Variants in ELAVL4 observed in about 807,000 individuals in gnomAD.
The protein encoded by ELAVL4 is ELAV like RNA binding protein 4.
Under a neutral mutation model 35.6 loss-of-function variants are expected in ELAVL4, and 1 was observed. That is an observed-to-expected ratio of 0.03 (90% CI 0.01 to 0.13). ELAVL4 has a LOEUF of 0.13. ELAVL4 is among the 10% of genes least tolerant of loss of function. ELAVL4 has a pLI of 1.00. For missense variants in ELAVL4, 267 were observed against 464.9 expected (o/e 0.57, Z 3.91); for synonymous variants, 156 against 171.0 (o/e 0.91, Z 0.69).
intron 2 of ELAVL4, among the ~76,000 whole-genome samples, chr1:50,152,974 A>G (rs1675056701): frequency 6.6e-6 from 1 of 152,320 alleles, no homozygotes; most frequent in East Asian, 1.9e-4. Flanking sequence ...GAAATTCTGT[A>G]TCACAGTCTG....
chr1:50,116,723 C>G (rs896969071), intron 1 of ELAVL4, among the ~76,000 whole-genome samples: 4 of 152,024 alleles, frequency 2.6e-5, no homozygotes, highest in African/African-American at 9.7e-5. Flanking sequence ...ACTAATGAAG[C>G]TTTCCTTAGG....
chr1:50,116,029 C>T (rs1040123813), intron 1 of ELAVL4, among the ~76,000 whole-genome samples: 3 of 152,062 alleles, frequency 2.0e-5, no homozygotes, highest in Admixed American at 6.6e-5. Flanking sequence ...GTCTTTCCTT[C>T]TGTATTTATA....
At chr1:50,166,933 G>A (rs537326709) in intron 2 of ELAVL4, among the ~76,000 whole-genome samples, 5 of 152,226 alleles carry the variant, frequency 3.3e-5, no homozygotes, top group African/African-American at 7.2e-5. Flanking sequence ...TGTTGGCAGC[G>A]TTCCTCCCTC....
chr1:50,158,481 A>G (rs1676148927), intron 2 of ELAVL4, among the ~76,000 whole-genome samples: 1 of 152,156 alleles, frequency 6.6e-6, no homozygotes, highest in Non-Finnish European at 1.5e-5. Context: ...CTATCCATAC[A>G]GCCACACACA....
At chr1:50,142,186 T>C (rs577321363) in intron 1 of ELAVL4, among the ~76,000 whole-genome samples, 7 of 152,312 alleles carry the variant, frequency 4.6e-5, no homozygotes, top group Admixed American at 1.3e-4. Context: ...TAATAAGTGG[T>C]AAAACTAAGT....
chr1:50,076,095 C>T (rs1413187311), intron 1 of ELAVL4, among the ~76,000 whole-genome samples: 1 of 152,172 alleles, frequency 6.6e-6, no homozygotes, highest in East Asian at 1.9e-4. Context: ...TCCCAAAGTG[C>T]TGGGATTACA....
intron 1 of ELAVL4, among the ~76,000 whole-genome samples, chr1:50,050,679 T>C (rs774463682): frequency 6.6e-6 from 1 of 152,190 alleles, no homozygotes. Context: ...GCCAAGATTA[T>C]ATTTAATTTG....
intron 3 of ELAVL4, among the ~76,000 whole-genome samples, chr1:50,189,146 T>A (rs1451394437): frequency 2.0e-5 from 3 of 152,216 alleles, no homozygotes; most frequent in Non-Finnish European, 4.4e-5. Context: ...TCCTCCTCAT[T>A]GCACCCAACA....
intron 2 of ELAVL4, among the ~76,000 whole-genome samples, chr1:50,149,535 C>G (rs1024660906): frequency 3.4e-5 from 5 of 148,278 alleles, no homozygotes; most frequent in Non-Finnish European, 7.4e-5. Flanking sequence ...TGTACCCATG[C>G]ATTGTCCTTT....
At chr1:50,167,375 C>T (rs1484525299) in intron 2 of ELAVL4, among the ~76,000 whole-genome samples, 1 of 152,138 alleles carries the variant, frequency 6.6e-6, no homozygotes, top group East Asian at 1.9e-4. Flanking sequence ...TAAGGCATTC[C>T]GTGAATCCAT....
intron 4 of ELAVL4, among the ~76,000 whole-genome samples, chr1:50,194,402 C>T (rs1206520850): frequency 1.3e-5 from 2 of 152,100 alleles, no homozygotes; most frequent in Non-Finnish European, 2.9e-5. Context: ...GGATCTGAAC[C>T]GAGGATCTGG....
At chr1:50,193,680 G>A (rs757211123) in intron 3 of ELAVL4, 85 bp from the exon 4 acceptor site, 1,247 of 1,465,472 alleles carry the variant, frequency 8.5e-4, no homozygotes, top group Non-Finnish European at 1.1e-3. Context: ...CGGTAGATGA[G>A]GGGCTGTCAT....
At chr1:50,054,724 CTGAG>C (rs892157923) in intron 1 of ELAVL4, among the ~76,000 whole-genome samples, 1 of 152,166 alleles carries the variant, frequency 6.6e-6, no homozygotes, top group African/African-American at 2.4e-5. Flanking sequence ...AAGTTTTGGG[CTGAG>C]TATCTTTCAT....
chr1:50,072,463 T>G (rs1477479626), intron 1 of ELAVL4, among the ~76,000 whole-genome samples: 1 of 152,228 alleles, frequency 6.6e-6, no homozygotes, highest in Non-Finnish European at 1.5e-5. Flanking sequence ...GCCTTCTCAC[T>G]GTTTTATGAG....
chr1:50,175,311 T>C (rs2148820803), intron 2 of ELAVL4: 1 of 152,170 alleles, frequency 6.6e-6, no homozygotes, highest in East Asian at 1.9e-4. Flanking sequence ...CTCTGTATTT[T>C]TGTATTTGCA....
intron 2 of ELAVL4, among the ~76,000 whole-genome samples, chr1:50,165,457 T>C (rs907787724): frequency 1.3e-5 from 2 of 148,962 alleles, no homozygotes; most frequent in African/African-American, 4.9e-5. Flanking sequence ...TAGATATAGA[T>C]ACACACACAC....
chr1:50,071,284 T>C (rs1485528168), intron 1 of ELAVL4, among the ~76,000 whole-genome samples: 1 of 152,272 alleles, frequency 6.6e-6, no homozygotes, highest in Non-Finnish European at 1.5e-5. Flanking sequence ...ATGTAAACTC[T>C]ATGAGGGCAA....
At chr1:50,093,584 T>C (rs1665585537) in intron 1 of ELAVL4, among the ~76,000 whole-genome samples, 1 of 152,206 alleles carries the variant, frequency 6.6e-6, no homozygotes, top group African/African-American at 2.4e-5. Context: ...TTGTAATTAT[T>C]AATAGAGACT....
chr1:50,197,312 G>A lies in ELAVL4; in HGVS notation c.735-117G>A, dbSNP rs1644118076. 4.9e-6 allele frequency: 5 copies of A among 1,016,910 alleles called. No homozygotes were observed. The Admixed American group carries it at 1.4e-4, about 28-fold the overall frequency. 63.0% of individuals were successfully genotyped at this position (1,016,910 alleles called of 1,614,324 possible). ...CTACCGGTGGATAGACTCCTAAGCA[G>A]TGGGGAAAGTTGTTGAGCTTTTCTT... On this transcript the variant is annotated intron_variant, in intron 5 of 6. Coordinates refer to ENST00000371824, the MANE Select transcript of ELAVL4 (RefSeq NM_001144774.3).
Sources: allele counts gnomAD v4.1 joint callset (sites outside exome capture counted in the v4.1 genomes callset), GRCh38; gene constraint gnomAD v4.1.1; transcripts MANE v1.5; gene names NCBI Gene and HGNC (gene_info 2026-07-23, HGNC 2026-07-21).